Variants in RFTN2 observed in about 807,000 individuals in gnomAD.
RFTN2 encodes the protein raftlin-2.
Under a neutral mutation model 52.7 loss-of-function variants are expected in RFTN2, and 34 were observed. That is an observed-to-expected ratio of 0.64 (90% confidence interval 0.49 to 0.86). RFTN2 has a LOEUF of 0.86. Among genes scored for constraint, RFTN2 ranks in the 40% least tolerant of loss-of-function variants. The pLI, the probability that RFTN2 is intolerant of heterozygous loss-of-function variation, is 0.00. For synonymous variants in RFTN2, 203 were observed against 217.7 expected (o/e 0.93, Z 0.59); for missense variants, 536 against 600.1 (o/e 0.89, Z 1.12).
chr2:197,629,457 A>T (rs1453181248), intron 5 of RFTN2, among the ~76,000 whole-genome samples: 1 of 151,792 alleles, frequency 6.6e-6, no homozygotes, highest in Non-Finnish European at 1.5e-5. Flanking sequence ...GGGCAGGGGG[A>T]TGGGGGAGGG....
intron 3 of RFTN2, among the ~76,000 whole-genome samples, chr2:197,636,230 T>A (rs926283431): frequency 4.7e-5 from 7 of 150,490 alleles, no homozygotes; most frequent in African/African-American, 1.7e-4. Flanking sequence ...GGGCTCTTTT[T>A]TGGTTCCATA....
At chr2:197,648,627 T>TA (rs944148505) in intron 1 of RFTN2, among the ~76,000 whole-genome samples, 10 of 152,332 alleles carry the variant, frequency 6.6e-5, no homozygotes, top group Non-Finnish European at 1.3e-4. Flanking sequence ...ATACTAATCT[T>TA]AAAAAAATTT....
At chr2:197,589,918 T>G (rs2087673066) in intron 8 of RFTN2, among the ~76,000 whole-genome samples, 1 of 152,190 alleles carries the variant, frequency 6.6e-6, no homozygotes, top group African/African-American at 2.4e-5. Flanking sequence ...CTAAAAACTT[T>G]TTTTTTGAGA....
chr2:197,634,308 G>A (rs1258319387), intron 3 of RFTN2, among the ~76,000 whole-genome samples: 1 of 152,086 alleles, frequency 6.6e-6, no homozygotes, highest in Non-Finnish European at 1.5e-5. Context: ...TTTGCAGACC[G>A]TTTAACAATG....
intron 3 of RFTN2, among the ~76,000 whole-genome samples, chr2:197,640,251 G>T (rs886841354): frequency 9.2e-5 from 14 of 152,172 alleles, no homozygotes; most frequent in South Asian, 4.1e-4. Context: ...CTTGAGCTGT[G>T]GTGGGCTCCA....
chr2:197,592,279 TCTG>T (rs2087729094), intron 8 of RFTN2, among the ~76,000 whole-genome samples: 1 of 152,190 alleles, frequency 6.6e-6, no homozygotes, highest in Non-Finnish European at 1.5e-5. Context: ...GAGCACAACC[TCTG>T]CTTCCCAGGT....
At chr2:197,634,409 A>T (rs2106236177) in intron 3 of RFTN2, among the ~76,000 whole-genome samples, 1 of 152,302 alleles carries the variant, frequency 6.6e-6, no homozygotes, top group Admixed American at 6.5e-5. Flanking sequence ...AAGGTTTATT[A>T]AATTAAAAGC....
At chr2:197,638,950 G>C (rs535151924) in intron 3 of RFTN2, among the ~76,000 whole-genome samples, 246 of 151,294 alleles carry the variant, frequency 1.6e-3, no homozygotes, top group African/African-American at 3.4e-3. Context: ...GACAAAATCT[G>C]TCAACATTTG....
chr2:197,632,061 G>A lies in RFTN2; in HGVS notation c.719-841C>T, dbSNP rs183373593. 2.1e-3 allele frequency among the ~76,000 whole-genome samples: 323 copies of A among 152,312 alleles called. 1 individual carries two copies. The highest frequency in any genetic ancestry group is 6.8e-3 in the Middle Eastern group (2 of 294). On this transcript the variant is annotated intron_variant, in intron 4 of 8. Transcript: ENST00000295049. ...AGAGAGAGGAATCTAAAGATTGATA[G>A]TTACATTAAGTACTATATTGGATTT...
intron 3 of RFTN2, among the ~76,000 whole-genome samples, chr2:197,634,799 A>G (rs1235842569): frequency 2.6e-5 from 4 of 151,688 alleles, no homozygotes; most frequent in Admixed American, 6.6e-5. Flanking sequence ...GGTTAGTTAC[A>G]TATGTATACA....
chr2:197,674,339 C>CAAAA lies in RFTN2; in HGVS notation c.139+977_139+980dup, dbSNP rs1222944678. Reference sequence around the variant, plus strand: ...AAGATGCACTGTTTCTAGAGCAAAGCAAAAAAAAAAAAAAAAAAAAAAAAG... The same window carrying CAAAA: ...AAGATGCACTGTTTCTAGAGCAAAGCAAAAAAAAAAAAAAAAAAAAAAAAAAAAG... On this transcript the variant is annotated intron_variant, in intron 1 of 8. Coordinates refer to ENST00000295049, the MANE Select transcript of RFTN2 (RefSeq NM_144629.3). Among the ~76,000 whole-genome samples the CAAAA allele has an allele frequency of 2.5e-3, 87 of 34,264 alleles. 2 individuals carry two copies. Among genetic ancestry groups the CAAAA allele is most frequent in the African/African-American group, 6.0e-3 (49 of 8,186 alleles). The allele number at this position is 34,264 out of a possible 152,430, so 22.5% of individuals were successfully genotyped here. A position where few individuals can be genotyped will look rare whatever the true frequency, so the allele number is the denominator to read the frequency against.
chr2:197,603,979 A>C (rs1336801572), intron 7 of RFTN2, among the ~76,000 whole-genome samples: 2 of 152,076 alleles, frequency 1.3e-5, no homozygotes, highest in Non-Finnish European at 2.9e-5. Context: ...TGTGGGCAAA[A>C]AGACAGGTAC....
intron 8 of RFTN2, among the ~76,000 whole-genome samples, chr2:197,576,527 A>C (rs1197462317): frequency 6.6e-6 from 1 of 152,216 alleles, no homozygotes; most frequent in Non-Finnish European, 1.5e-5. Flanking sequence ...TAAATGTAAG[A>C]GGTAAAATTA....
At chr2:197,674,538 CTA>C (rs2089191210) in intron 1 of RFTN2, among the ~76,000 whole-genome samples, 1 of 151,936 alleles carries the variant, frequency 6.6e-6, no homozygotes. Context: ...GCAAAGCACT[CTA>C]AATTTCATTT....
intron 5 of RFTN2, among the ~76,000 whole-genome samples, chr2:197,624,004 G>A (rs532741118): frequency 1.1e-4 from 16 of 152,136 alleles, no homozygotes; most frequent in African/African-American, 3.9e-4. Context: ...TCACCATGTT[G>A]GCTAGGGTGG....
intron 1 of RFTN2, among the ~76,000 whole-genome samples, chr2:197,651,783 C>A (rs985767127): frequency 2.4e-4 from 36 of 152,224 alleles, no homozygotes; most frequent in African/African-American, 8.2e-4. Context: ...GTTAAAAAGG[C>A]ATATACTTTC....
intron 8 of RFTN2, among the ~76,000 whole-genome samples, chr2:197,591,931 C>T (rs866657738): frequency 7.2e-5 from 11 of 152,034 alleles, no homozygotes; most frequent in African/African-American, 2.2e-4. Flanking sequence ...TCTCCCTCCA[C>T]GCCTCTCCCT....
chr2:197,644,450 T>G (rs763877478), intron 2 of RFTN2, among the ~76,000 whole-genome samples, 178 bp from the exon 3 acceptor site: 7 of 152,234 alleles, frequency 4.6e-5, no homozygotes, highest in African/African-American at 7.2e-5. Context: ...TAACTTCTAT[T>G]AATTCAAATT....
chr2:197,594,079 G>A (rs1200714337), intron 8 of RFTN2, among the ~76,000 whole-genome samples: 4 of 143,684 alleles, frequency 2.8e-5, no homozygotes, highest in Admixed American at 7.1e-5. Flanking sequence ...GCAGTGGTGC[G>A]ATCTTGGCTC....
Sources: gnomAD v4.1 joint callset for allele counts (sites outside exome capture counted in the v4.1 genomes callset) on GRCh38, gnomAD v4.1.1 for gene constraint, MANE v1.5 for transcripts, NCBI Gene and HGNC (gene_info 2026-07-23, HGNC 2026-07-21) for gene names.